The following SLC14A2 variants were observed in gnomAD, a reference collection of about 807,000 sequenced individuals.
SLC14A2 encodes urea transporter 2.
A neutral mutation model predicts 104.6 loss-of-function variants in SLC14A2; 91 were observed. The observed-to-expected ratio is 0.87, with a 90% CI of 0.73 to 1.04. The LOEUF is 1.04. Among genes scored for constraint, SLC14A2 ranks in the 50% least tolerant of loss-of-function variants. The pLI, the probability that SLC14A2 is intolerant of heterozygous loss-of-function variation, is 0.00. For missense variants in SLC14A2, 1,189 were observed against 1,156.0 expected, an observed-to-expected ratio of 1.03 and a Z score of -0.41; for synonymous variants, 476 against 466.4, an observed-to-expected ratio of 1.02 and a Z score of -0.27.
At chr18:45,221,247 C>T (rs550253652) in intron 1 of SLC14A2, among the ~76,000 whole-genome samples, 126 of 152,328 alleles carry the variant, frequency 8.3e-4, no homozygotes, top group African/African-American at 2.9e-3. Flanking sequence ...GTTGTCTTTG[C>T]TCTTGTCTTT....
intron 10 of SLC14A2, among the ~76,000 whole-genome samples, chr18:45,660,863 A>T (rs1433111480): frequency 6.6e-6 from 1 of 152,152 alleles, no homozygotes; most frequent in Non-Finnish European, 1.5e-5. Flanking sequence ...TATCACCTTC[A>T]CTGTAAGTGT....
intron 1 of SLC14A2, among the ~76,000 whole-genome samples, chr18:45,361,015 A>G (rs1394720474): frequency 6.6e-6 from 1 of 152,190 alleles, no homozygotes; most frequent in East Asian, 1.9e-4. Flanking sequence ...TTGAAATAAA[A>G]TGCAATGGAC....
intron 1 of SLC14A2, among the ~76,000 whole-genome samples, chr18:45,456,436 T>C (rs2086944913): frequency 6.6e-6 from 1 of 152,228 alleles, no homozygotes; most frequent in Admixed American, 6.5e-5. Flanking sequence ...AAAAGCTCCC[T>C]GAAGGCAGGA....
intron 1 of SLC14A2, among the ~76,000 whole-genome samples, chr18:45,223,899 A>T (rs1408767355): frequency 1.3e-5 from 2 of 152,206 alleles, no homozygotes; most frequent in African/African-American, 2.4e-5. Context: ...CTTTGATGAG[A>T]AACATAATAT....
rs980838837 is a variant in SLC14A2 at position 45,673,836 on chromosome 18, G to C, written c.2512+19G>C. The C allele has an allele frequency of 6.2e-7, 1 of 1,605,088 alleles. No homozygotes were observed. The highest frequency in any genetic ancestry group is 8.5e-7 in the Non-Finnish European group (1 of 1,172,706). ...GCCTGCGGTAGGTACTCCCCACAGA[G>C]GATTTGTTTCCTTTATAAAAGGCTT... On this transcript the variant is annotated intron_variant, in intron 18 of 19. Coordinates refer to ENST00000255226, the MANE Select transcript of SLC14A2 (RefSeq NM_007163.4).
chr18:45,373,117 A>T (rs1474442243), intron 1 of SLC14A2, among the ~76,000 whole-genome samples: 1 of 152,184 alleles, frequency 6.6e-6, no homozygotes, highest in African/African-American at 2.4e-5. Context: ...AAACCCAACT[A>T]GACCAGCTCC....
At position 45,450,230 on chromosome 18, in the gene SLC14A2, C is replaced by CTA. The variant is rs755507606; in HGVS notation, c.-124-33002_-124-33001dup. 4.2e-4 allele frequency among the ~76,000 whole-genome samples: 64 copies of CTA among 152,310 alleles called. 2 individuals are homozygous for CTA. The South Asian group carries it at 7.5e-3, about 18-fold the overall frequency. ...TTGCGGAGAGGTCCAAACTGCTGAT[C>CTA]TAGCCTCATTTGATCTTTGATATTT... On this transcript the variant is annotated intron_variant, in intron 1 of 20. Coordinates refer to the SLC14A2 transcript ENST00000586448.
At chr18:45,227,144 AT>A in intron 1 of SLC14A2, among the ~76,000 whole-genome samples, 1 of 152,178 alleles carries the variant, frequency 6.6e-6, no homozygotes. Context: ...CTTCTATGTG[AT>A]ATTGGTGAGA....
At chr18:45,358,552 C>T (rs12969683) in intron 1 of SLC14A2, among the ~76,000 whole-genome samples, 2,794 of 152,216 alleles carry the variant, frequency 0.018, 50 homozygotes, top group Middle Eastern at 0.027. Context: ...TCATAAAACT[C>T]GACTTACTTC....
At chr18:45,634,130 G>A (rs2045384008) in intron 5 of SLC14A2, among the ~76,000 whole-genome samples, 1 of 152,174 alleles carries the variant, frequency 6.6e-6, no homozygotes, top group Admixed American at 6.5e-5. Flanking sequence ...CCTGGGCTCT[G>A]TGCTACTACT....
At chr18:45,637,555 G>T (rs1175834855) in intron 6 of SLC14A2, among the ~76,000 whole-genome samples, 1 of 152,136 alleles carries the variant, frequency 6.6e-6, no homozygotes, top group Non-Finnish European at 1.5e-5. Flanking sequence ...AGATAAAGGG[G>T]CAAGATACTA....
At chr18:45,201,551 A>AGTGTGTGTGTGTGT in the SLC14A2 span, among the ~76,000 whole-genome samples, 2 of 149,516 alleles carry the variant, frequency 1.3e-5, no homozygotes, top group African/African-American at 4.9e-5. Context: ...GTATGTGTGT[A>AGTGTGTGTGTGTGT]GTGTGTGTGT....
chr18:45,223,198 G>T (rs1466884392), intron 1 of SLC14A2, among the ~76,000 whole-genome samples: 4 of 152,196 alleles, frequency 2.6e-5, no homozygotes, highest in Non-Finnish European at 4.4e-5. Flanking sequence ...AAAGTCACAA[G>T]ATGGTAACTG....
intron 1 of SLC14A2, among the ~76,000 whole-genome samples, chr18:45,426,608 C>CTATACACACATATA (rs2086432287): frequency 2.1e-5 from 3 of 145,710 alleles, no homozygotes; most frequent in African/African-American, 5.1e-5. Flanking sequence ...CATATATGTA[C>CTATACACACATATA]TATATATATA....
chr18:45,224,175 A>T (rs1350905), intron 1 of SLC14A2, among the ~76,000 whole-genome samples: 2 of 152,076 alleles, frequency 1.3e-5, no homozygotes, highest in African/African-American at 4.8e-5. Flanking sequence ...GCTGCTGTGC[A>T]GTGTCCTAGA....
chr18:45,471,374 T>C (rs1456212690), intron 1 of SLC14A2, among the ~76,000 whole-genome samples: 4 of 152,204 alleles, frequency 2.6e-5, no homozygotes, highest in Admixed American at 1.3e-4. Context: ...TTGGGTATCA[T>C]TTCTGTATCA....
the SLC14A2 span, among the ~76,000 whole-genome samples, chr18:45,207,188 A>G: frequency 6.6e-6 from 1 of 152,154 alleles, no homozygotes; most frequent in South Asian, 2.1e-4. Flanking sequence ...GAAGTAAAAT[A>G]TCACACTTTA....
intron 2 of SLC14A2, among the ~76,000 whole-genome samples, chr18:45,521,108 C>T (rs2043510250): frequency 6.6e-6 from 1 of 152,180 alleles, no homozygotes; most frequent in Non-Finnish European, 1.5e-5. Context: ...CTCAGTTCTA[C>T]ATCAAGTGAC....
At chr18:45,554,823 C>T (rs1045495698) in intron 2 of SLC14A2, among the ~76,000 whole-genome samples, 8 of 152,172 alleles carry the variant, frequency 5.3e-5, no homozygotes, top group Non-Finnish European at 7.3e-5. Context: ...GATCTCTAAA[C>T]CCCCTCATTT....
Sources: allele counts gnomAD v4.1 joint callset (sites outside exome capture counted in the v4.1 genomes callset), GRCh38; gene constraint gnomAD v4.1.1; transcripts MANE v1.5; gene names NCBI Gene and HGNC (gene_info 2026-07-23, HGNC 2026-07-21).